The following XKR4 variants were observed in gnomAD, a reference collection of about 807,000 sequenced individuals.
XKR4 encodes XK related 4.
In XKR4, 12 loss-of-function variants were observed where a neutral mutation model predicts 53.9. That is an observed-to-expected ratio of 0.22 (90% CI 0.14 to 0.36). The LOEUF is 0.36. Among genes scored for constraint, XKR4 ranks in the 10% least tolerant of loss-of-function variants. The pLI is 1.00. For synonymous variants in XKR4, 354 were observed against 362.4 expected (o/e 0.98, Z 0.26); for missense variants, 799 against 859.5 (o/e 0.93, Z 0.88).
chr8:55,340,236 G>A (rs1463057392), intron 1 of XKR4, among the ~76,000 whole-genome samples: 1 of 152,226 alleles, frequency 6.6e-6, no homozygotes, highest in Non-Finnish European at 1.5e-5. Context: ...ATAGTTAACT[G>A]TAAGCTCACA....
chr8:55,425,717 C>T (rs1031918522), intron 2 of XKR4, among the ~76,000 whole-genome samples: 3 of 152,168 alleles, frequency 2.0e-5, no homozygotes, highest in African/African-American at 4.8e-5. Flanking sequence ...ACCCTGATCC[C>T]TGATGACTGT....
intron 1 of XKR4, among the ~76,000 whole-genome samples, chr8:55,337,689 A>G (rs763872600): frequency 4.0e-4 from 61 of 152,340 alleles, no homozygotes; most frequent in Middle Eastern, 3.4e-3. Flanking sequence ...CTATTTTAAT[A>G]AATTAGTAAA....
At chr8:55,278,220 C>T (rs1400819954) in intron 1 of XKR4, among the ~76,000 whole-genome samples, 3 of 152,026 alleles carry the variant, frequency 2.0e-5, no homozygotes, top group Admixed American at 6.5e-5. Flanking sequence ...ACCTGTAATC[C>T]CAGCTTCTCG....
In XKR4 at chr8:55,102,355, G is replaced by A. The variant is rs1359429059; in HGVS notation, c.-134G>A. The stretch of plus-strand genomic sequence containing the variant: ...GGCGGCGGCGGACGGCAGGCGAGCC[G>A]ACGCAGGAGCAGGAGGAGGGGGAGC... On this transcript the variant is annotated 5_prime_UTR_variant, in exon 1 of 3. Coordinates refer to ENST00000327381, the MANE Select transcript of XKR4 (RefSeq NM_052898.2). The surrounding 1 kb of genome is among the most constrained non-coding windows in gnomAD (Gnocchi z 5.1). 2 of 1,142,314 alleles carry A rather than the reference G, an allele frequency of 1.8e-6. No homozygotes were observed. Among genetic ancestry groups the A allele is most frequent in the East Asian group, 4.5e-5 (1 of 22,422 alleles). The allele number at this position is 1,142,314 out of a possible 1,614,324, so 70.8% of individuals were successfully genotyped here.
In XKR4 at chr8:55,452,681, CT is replaced by C; in HGVS notation, c.1007-70598del. The stretch of plus-strand genomic sequence containing the variant: ...TGGTGACCCCACTCTCTGTGCAGAC[CT>C]TGTCCACAAAGCGGTTGATGAAGTG... On this transcript the variant is annotated intron_variant, in intron 2 of 2. Coordinates refer to ENST00000327381, the MANE Select transcript of XKR4 (RefSeq NM_052898.2). The C allele has an allele frequency of 5.6e-6, 8 of 1,432,302 alleles. No individual in the cohort carries two copies. The South Asian group carries it at 9.1e-5, about 16-fold the overall frequency. 88.7% of individuals were successfully genotyped at this position (1,432,302 alleles called of 1,614,324 possible).
intron 2 of XKR4, among the ~76,000 whole-genome samples, chr8:55,440,389 G>T (rs1294825872): frequency 6.6e-6 from 1 of 152,070 alleles, no homozygotes; most frequent in Non-Finnish European, 1.5e-5. Context: ...TTTAGGGAGA[G>T]TTAGAATTTA....
rs138353285 is a variant in XKR4 at position 55,380,375 on chromosome 8, G to A, written c.1006+22498G>A. 4.1e-4 allele frequency among the ~76,000 whole-genome samples: 62 copies of A among 152,354 alleles called. 1 individual carries two copies. The highest frequency in any genetic ancestry group is 1.4e-3 in the African/African-American group (60 of 41,568). ...CTTCAAAAAGAGTTTAGTGTAAGGA[G>A]TGCAAGAGTGCAAGACACTCTCATA... On this transcript the variant is annotated intron_variant, in intron 2 of 2. Transcript: ENST00000327381.
chr8:55,403,480 A>G (rs1804638427), intron 2 of XKR4, among the ~76,000 whole-genome samples: 1 of 152,278 alleles, frequency 6.6e-6, no homozygotes, highest in Non-Finnish European at 1.5e-5. Context: ...AAATAAATAG[A>G]CTTACCTTTA....
intron 1 of XKR4, among the ~76,000 whole-genome samples, chr8:55,269,616 A>T (rs1398035837): frequency 6.6e-6 from 1 of 152,172 alleles, no homozygotes; most frequent in Non-Finnish European, 1.5e-5. Flanking sequence ...TGTCATGCAT[A>T]CACTATGTCA....
intron 2 of XKR4, among the ~76,000 whole-genome samples, chr8:55,501,873 C>A (rs907144976): frequency 2.6e-5 from 4 of 152,014 alleles, no homozygotes; most frequent in Admixed American, 2.6e-4. Flanking sequence ...GGGACTGGTC[C>A]CAGGACCCCC....
At chr8:55,157,210 A>G (rs1816920069) in intron 1 of XKR4, among the ~76,000 whole-genome samples, 2 of 152,228 alleles carry the variant, frequency 1.3e-5, no homozygotes, top group African/African-American at 2.4e-5. Flanking sequence ...TACATTATTT[A>G]TAGAGATATT....
chr8:55,480,761 G>GACCA (rs1806089029), intron 2 of XKR4, among the ~76,000 whole-genome samples: 1 of 118,110 alleles, frequency 8.5e-6, no homozygotes, highest in African/African-American at 4.1e-5. Context: ...ACCAAAAACA[G>GACCA]ACAGAGAGCC....
At chr8:55,351,987 TA>T (rs1803731030) in intron 1 of XKR4, among the ~76,000 whole-genome samples, 1 of 152,244 alleles carries the variant, frequency 6.6e-6, no homozygotes, top group Non-Finnish European at 1.5e-5. Context: ...ATTGAGTGCT[TA>T]TTAATCATCA....
intron 2 of XKR4, among the ~76,000 whole-genome samples, chr8:55,516,222 G>C (rs1806711627): frequency 6.6e-6 from 1 of 152,154 alleles, no homozygotes; most frequent in Admixed American, 6.5e-5. Context: ...ATGCACTAAA[G>C]AAACTATAAA....
chr8:55,248,999 C>G (rs58862780), intron 1 of XKR4, among the ~76,000 whole-genome samples: 35,977 of 152,108 alleles, frequency 0.24, 4,731 homozygotes, highest in East Asian at 0.49. Flanking sequence ...ATTTCTCTCT[C>G]TTTCTCTCTG....
intron 1 of XKR4, among the ~76,000 whole-genome samples, chr8:55,210,557 A>T (rs1354626565): frequency 6.6e-6 from 1 of 152,184 alleles, no homozygotes; most frequent in African/African-American, 2.4e-5. Flanking sequence ...GCAGGTTTGT[A>T]AATGATTATA....
intron 1 of XKR4, among the ~76,000 whole-genome samples, chr8:55,286,704 G>T (rs1174859504): frequency 6.6e-6 from 1 of 152,202 alleles, no homozygotes; most frequent in Non-Finnish European, 1.5e-5. Context: ...CAGCAGGGAG[G>T]CTGTGCCCTT....
At chr8:55,320,114 T>C (rs1243735092) in intron 1 of XKR4, among the ~76,000 whole-genome samples, 1 of 152,248 alleles carries the variant, frequency 6.6e-6, no homozygotes. Context: ...GTGCGTTCAA[T>C]GTGTTATATT....
chr8:55,400,408 C>T (rs1300269108), intron 2 of XKR4, among the ~76,000 whole-genome samples: 2 of 152,170 alleles, frequency 1.3e-5, no homozygotes, highest in South Asian at 4.1e-4. Flanking sequence ...GGTGTCCTGA[C>T]GTGTCTGAGG....
Sources: allele counts gnomAD v4.1 joint callset (sites outside exome capture counted in the v4.1 genomes callset), GRCh38; gene constraint gnomAD v4.1.1; non-coding constraint Gnocchi (gnomAD v3.1); transcripts MANE v1.5; gene names NCBI Gene and HGNC (gene_info 2026-07-23, HGNC 2026-07-21).